Variants in AFF3 observed in about 807,000 individuals in gnomAD.
The protein encoded by AFF3 is AF4/FMR2 family member 3.
Under a neutral mutation model 129.7 loss-of-function variants are expected in AFF3, and 32 were observed. The observed-to-expected ratio is 0.25, with a 90% confidence interval of 0.19 to 0.33. AFF3 has a LOEUF of 0.33. AFF3 is among the 10% of genes least tolerant of loss of function. AFF3 has a pLI of 1.00. For missense variants in AFF3, 1,373 were observed against 1,592.0 expected (o/e 0.86, Z 2.34); for synonymous variants, 644 against 635.4 (o/e 1.01, Z -0.20).
chr2:99,870,140 C>T (rs1410170380), intron 7 of AFF3, among the ~76,000 whole-genome samples: 1 of 152,222 alleles, frequency 6.6e-6, no homozygotes, highest in African/African-American at 2.4e-5. Flanking sequence ...GATTCCCCCT[C>T]CAACCTCTGC....
chr2:99,726,155 T>C (rs1265859252), intron 11 of AFF3, among the ~76,000 whole-genome samples: 2 of 152,182 alleles, frequency 1.3e-5, no homozygotes, highest in Non-Finnish European at 2.9e-5. Context: ...GACAAACATA[T>C]AATCATATCT....
At chr2:99,678,886 C>A (rs749566936) in intron 11 of AFF3, among the ~76,000 whole-genome samples, 1 of 152,212 alleles carries the variant, frequency 6.6e-6, no homozygotes, top group Non-Finnish European at 1.5e-5. Context: ...CTGAAGTCTA[C>A]TGCTTTGTCA....
chr2:99,601,354 T>C, intron 14 of AFF3, 81 bp downstream of exon 14: 1 of 1,427,356 alleles, frequency 7.0e-7, no homozygotes, highest in Non-Finnish European at 9.2e-7. Flanking sequence ...TGCAGCAGTG[T>C]GACAGTGACA....
At chr2:100,047,957 C>A (rs908055046) in intron 4 of AFF3, among the ~76,000 whole-genome samples, 2 of 152,176 alleles carry the variant, frequency 1.3e-5, no homozygotes, top group Non-Finnish European at 2.9e-5. Flanking sequence ...ATATTACTGC[C>A]GTTGTACCTG....
chr2:99,968,817 CT>C (rs1449257146), intron 7 of AFF3, among the ~76,000 whole-genome samples: 1 of 152,172 alleles, frequency 6.6e-6, no homozygotes, highest in African/African-American at 2.4e-5. Flanking sequence ...CTGCCTTTCC[CT>C]TTATAAGTTT....
At chr2:99,982,332 A>G (rs1193806038) in intron 7 of AFF3, among the ~76,000 whole-genome samples, 3 of 152,158 alleles carry the variant, frequency 2.0e-5, no homozygotes, top group African/African-American at 7.2e-5. Flanking sequence ...GATTCCCTGC[A>G]CAAGCTCTCT....
chr2:100,041,233 C>T (rs1415167093), intron 4 of AFF3, among the ~76,000 whole-genome samples: 1 of 152,216 alleles, frequency 6.6e-6, no homozygotes, highest in Non-Finnish European at 1.5e-5. Context: ...CTTCAGGGAG[C>T]ACAGTGTTTT....
At chr2:99,849,452 A>T (rs1689979524) in intron 7 of AFF3, among the ~76,000 whole-genome samples, 1 of 152,094 alleles carries the variant, frequency 6.6e-6, no homozygotes, top group African/African-American at 2.4e-5. Context: ...TTGCAAACCC[A>T]ATTCTGCCAT....
chr2:99,796,837 T>A (rs1236333408), intron 8 of AFF3, among the ~76,000 whole-genome samples: 2 of 152,184 alleles, frequency 1.3e-5, no homozygotes, highest in Non-Finnish European at 2.9e-5. Context: ...CCAGCCAGAC[T>A]GTAAAACCTT....
intron 8 of AFF3, among the ~76,000 whole-genome samples, chr2:99,836,669 G>A (rs1398840556): frequency 1.3e-5 from 2 of 151,332 alleles, no homozygotes; most frequent in African/African-American, 2.4e-5. Flanking sequence ...AAAGTGTGTA[G>A]GATATCCAAA....
intron 8 of AFF3, among the ~76,000 whole-genome samples, chr2:99,760,736 T>C (rs938619711): frequency 1.3e-5 from 2 of 152,146 alleles, no homozygotes; most frequent in Admixed American, 6.5e-5. Flanking sequence ...AAATGTAATG[T>C]TTAAAGCCAC....
intron 12 of AFF3, among the ~76,000 whole-genome samples, chr2:99,661,476 T>C (rs1686225129): frequency 6.6e-6 from 1 of 152,216 alleles, no homozygotes; most frequent in Non-Finnish European, 1.5e-5. Context: ...ATGGATCATG[T>C]TTTGGTTTTT....
chr2:99,795,852 T>C (rs1431331122), intron 8 of AFF3, among the ~76,000 whole-genome samples: 3 of 152,136 alleles, frequency 2.0e-5, no homozygotes, highest in Non-Finnish European at 4.4e-5. Context: ...CATGCTATTC[T>C]ATTAATTTAT....
At chr2:99,864,038 CCA>C (rs1691193315) in intron 7 of AFF3, among the ~76,000 whole-genome samples, 1 of 152,168 alleles carries the variant, frequency 6.6e-6, no homozygotes. Context: ...TCCATCGTTG[CCA>C]CAGAGTCCTG....
At position 99,977,596 on chromosome 2, in the gene AFF3, C is replaced by A. The variant is rs113426807; in HGVS notation, c.873+29036G>T. On this transcript the variant is annotated intron_variant, in intron 7 of 24. Coordinates refer to ENST00000672756, the MANE Select transcript of AFF3 (RefSeq NM_001386135.1). ...CCAGCTCTGCTTCCAAAACAAACGT[C>A]TCTAAGATTGGACCAGTCTTTGCTT... Among the ~76,000 whole-genome samples, 288 of 152,364 alleles carry A rather than the reference C, an allele frequency of 1.9e-3. 1 individual carries two copies. Among genetic ancestry groups the A allele is most frequent in the South Asian group, 3.3e-3 (16 of 4,830 alleles).
intron 7 of AFF3, among the ~76,000 whole-genome samples, chr2:99,903,206 C>T (rs190342366): frequency 6.6e-6 from 1 of 152,200 alleles, no homozygotes; most frequent in Admixed American, 6.5e-5. Context: ...AGAAAAACTG[C>T]CAACCAAATT....
intron 7 of AFF3, among the ~76,000 whole-genome samples, chr2:99,936,233 G>T: frequency 6.6e-6 from 1 of 152,178 alleles, no homozygotes; most frequent in East Asian, 1.9e-4. Flanking sequence ...TAGCCACACA[G>T]TCTCAGCTAA....
intron 2 of AFF3, among the ~76,000 whole-genome samples, chr2:100,124,342 C>G (rs540456448): frequency 7.2e-5 from 11 of 152,252 alleles, no homozygotes; most frequent in Middle Eastern, 3.4e-3. Flanking sequence ...AGAAAGCTTG[C>G]CTAGGCACAG....
chr2:99,701,902 G>A (rs746122294), intron 11 of AFF3, among the ~76,000 whole-genome samples: 18 of 152,192 alleles, frequency 1.2e-4, no homozygotes, highest in Non-Finnish European at 2.6e-4. Context: ...GGTTACATAC[G>A]TGGAATGTGA....
Sources: allele counts gnomAD v4.1 joint callset (sites outside exome capture counted in the v4.1 genomes callset), GRCh38; gene constraint gnomAD v4.1.1; transcripts MANE v1.5; gene names NCBI Gene and HGNC (gene_info 2026-07-23, HGNC 2026-07-21).